Variants in COP1 observed in about 807,000 individuals in gnomAD.
The protein encoded by COP1 is COP1 E3 ubiquitin ligase.
Under a neutral mutation model 101.3 loss-of-function variants are expected in COP1, and 24 were observed. The ratio of observed to expected loss-of-function variants is 0.24; its 90% confidence interval spans 0.17 to 0.33. COP1 has a LOEUF of 0.33. Ranked by LOEUF, COP1 falls within the 10% of genes least tolerant of loss-of-function variation. The pLI is 1.00. For missense variants in COP1, 663 were observed against 906.2 expected (o/e 0.73, Z 3.45); for synonymous variants, 347 against 341.9 (o/e 1.01, Z -0.17).
Position 175,945,048 on chromosome 1 carries a change from T to C in COP1, c.*105A>G, listed in dbSNP as rs55771483. On this transcript the variant is annotated 3_prime_UTR_variant, in exon 20 of 20. Transcript: ENST00000367669. ...TTCAAAACAAATCCAAAACCCATGATGACTTTGGGGAGAGACATCACATGA... is the reference window on the plus strand; with the variant it reads ...TTCAAAACAAATCCAAAACCCATGACGACTTTGGGGAGAGACATCACATGA... The C allele has an allele frequency of 0.026, 22,593 of 883,846 alleles. 375 individuals carry two copies. Among genetic ancestry groups the C allele is most frequent in the Middle Eastern group, 0.032 (111 of 3,470 alleles). The allele number at this position is 883,846 out of a possible 1,614,324, so 54.8% of individuals were successfully genotyped here.
rs142428186 is a variant in COP1, at chr1:176,010,166, G to GTC, written c.1729+17404_1729+17405dup. Among the ~76,000 whole-genome samples, 11 of 150,138 alleles carry GTC rather than the reference G, an allele frequency of 7.3e-5. No homozygotes were observed. The South Asian group carries it at 8.4e-4, about 11-fold the overall frequency. ...ACACCCCAAACACACACCGCCTCTT[G>GTC]TCTCTCTCTCTCTCTGCCCCCTGTA... On this transcript the variant is annotated intron_variant, in intron 15 of 19. Coordinates refer to ENST00000367669, the MANE Select transcript of COP1 (RefSeq NM_022457.7).
chr1:176,054,598 T>G (rs1443787015), intron 11 of COP1, among the ~76,000 whole-genome samples: 2 of 152,180 alleles, frequency 1.3e-5, no homozygotes, highest in Admixed American at 1.3e-4. Flanking sequence ...TGGTCTTTCT[T>G]GTCATTCCGA....
chr1:176,145,884 C>A (rs956195578), intron 6 of COP1, among the ~76,000 whole-genome samples: 5 of 152,078 alleles, frequency 3.3e-5, no homozygotes, highest in African/African-American at 1.2e-4. Flanking sequence ...AAGATGACTG[C>A]AATCCAAAAA....
chr1:175,988,458 C>A, intron 16 of COP1, 46 bp from the exon 17 acceptor site: 1 of 1,523,796 alleles, frequency 6.6e-7, no homozygotes, highest in Non-Finnish European at 8.9e-7. Context: ...AATTTCTTGG[C>A]ACGAAACTCA....
At chr1:176,127,551 T>C (rs921426940) in intron 8 of COP1, among the ~76,000 whole-genome samples, 1 of 148,156 alleles carries the variant, frequency 6.7e-6, no homozygotes, top group Non-Finnish European at 1.5e-5. Context: ...TAAGGTGGAA[T>C]AGTATTCTAC....
Position 176,134,815 on chromosome 1 carries a change from A to G in COP1, c.968+195T>C, listed in dbSNP as rs191859565. Reference sequence around the variant, plus strand: ...TGAATTCATAACATTATAGTATTCTACTCGCTAACTCTTCCTGGCATGAAA... The same window carrying G: ...TGAATTCATAACATTATAGTATTCTGCTCGCTAACTCTTCCTGGCATGAAA... On this transcript the variant is annotated intron_variant, in intron 8 of 19. Transcript: ENST00000367669. 2.2e-4 allele frequency among the ~76,000 whole-genome samples: 33 copies of G among 152,180 alleles called. No individual in the cohort carries two copies. The East Asian group carries it at 5.6e-3, about 26-fold the overall frequency.
chr1:176,133,284 G>A (rs928168314), intron 8 of COP1, among the ~76,000 whole-genome samples: 2 of 150,870 alleles, frequency 1.3e-5, no homozygotes, highest in African/African-American at 4.9e-5. Flanking sequence ...ATATACGTAT[G>A]TACACATATA....
chr1:175,953,132 G>A (rs1650163739), intron 18 of COP1, among the ~76,000 whole-genome samples: 1 of 152,066 alleles, frequency 6.6e-6, no homozygotes, highest in Non-Finnish European at 1.5e-5. Context: ...GAAGTATAAT[G>A]TTATAAGATT....
At chr1:176,060,592 G>A (rs2149293497) in intron 11 of COP1, among the ~76,000 whole-genome samples, 1 of 152,254 alleles carries the variant, frequency 6.6e-6, no homozygotes, top group East Asian at 1.9e-4. Flanking sequence ...TAATTTCTCA[G>A]TTCTGTGTTC....
Position 176,206,843 on chromosome 1 carries a change from C to T in COP1, c.136G>A (p.Ala46Thr). The change falls in exon 1 of 20, where the codon GCG becomes ACG. Residue 46 changes from alanine to threonine, a missense_variant. Ala to Thr is a moderately conservative substitution (Grantham distance 58). Around this residue, in one of 4 missense-constraint regions of COP1, gnomAD observed 204 missense variants for 203.6 expected, o/e 1.00. Transcript: ENST00000367669. Reference protein sequence around the residue: ...SPPSVAVSAAALVSGGVAQAA... With the variant: ...SPPSVAVSAATLVSGGVAQAA... ...TGGGCCACCCCGCCGGACACCAGCG[C>T]TGCCGCCGAAACCGCCACGGAAGGC... The T allele has an allele frequency of 7.0e-7, 1 of 1,428,106 alleles. No homozygotes were observed. Among genetic ancestry groups the T allele is most frequent in the Non-Finnish European group, 9.1e-7 (1 of 1,096,482 alleles). 88.5% of individuals were successfully genotyped at this position (1,428,106 alleles called of 1,614,324 possible). A position where few individuals can be genotyped will look rare whatever the true frequency, so the allele number is the denominator to read the frequency against.
intron 18 of COP1, among the ~76,000 whole-genome samples, chr1:175,983,940 A>T (rs1656494155): frequency 6.6e-6 from 1 of 152,202 alleles, no homozygotes; most frequent in Non-Finnish European, 1.5e-5. Context: ...AGCATACAAG[A>T]GGTGACCTGA....
chr1:175,982,979 A>G (rs1004799151), intron 18 of COP1, among the ~76,000 whole-genome samples: 1 of 152,180 alleles, frequency 6.6e-6, no homozygotes, highest in Non-Finnish European at 1.5e-5. Flanking sequence ...GAGTGACTGT[A>G]GTTAATAATA....
At chr1:176,086,414 G>C (rs529712570) in intron 9 of COP1, among the ~76,000 whole-genome samples, 19 of 151,932 alleles carry the variant, frequency 1.3e-4, no homozygotes, top group Non-Finnish European at 2.5e-4. Flanking sequence ...TTTTAGTAGA[G>C]ACAGGGTTTC....
intron 8 of COP1, among the ~76,000 whole-genome samples, chr1:176,123,115 T>G (rs569530405): frequency 6.6e-6 from 1 of 152,306 alleles, no homozygotes; most frequent in East Asian, 1.9e-4. Flanking sequence ...CAGTAGAAAT[T>G]TTAAATTATC....
intron 19 of COP1, among the ~76,000 whole-genome samples, chr1:175,945,878 G>A (rs1278602967): frequency 1.3e-5 from 2 of 152,164 alleles, no homozygotes; most frequent in Non-Finnish European, 2.9e-5. Context: ...ACTAATATAT[G>A]TGCTTCCATA....
chr1:176,178,084 T>C (rs1241468412), intron 2 of COP1, among the ~76,000 whole-genome samples: 1 of 152,190 alleles, frequency 6.6e-6, no homozygotes, highest in African/African-American at 2.4e-5. Context: ...ATGCTTCATG[T>C]ATGACTGAAA....
chr1:176,176,049 GA>G, intron 2 of COP1, 42 bp from the exon 3 acceptor site: 2 of 926,198 alleles, frequency 2.2e-6, no homozygotes. Context: ...TTAAATCAAT[GA>G]AAAATTAATA....
chr1:176,157,882 T>C (rs932630505), intron 5 of COP1, among the ~76,000 whole-genome samples: 1 of 151,922 alleles, frequency 6.6e-6, no homozygotes, highest in Non-Finnish European at 1.5e-5. Context: ...GAAAGATGAA[T>C]AAGATCAAAT....
At chr1:176,146,569 T>C (rs1212624149) in intron 6 of COP1, among the ~76,000 whole-genome samples, 1 of 152,190 alleles carries the variant, frequency 6.6e-6, no homozygotes. Context: ...GAGAAGCCCC[T>C]GTGACAAAAA....
Sources: allele counts gnomAD v4.1 joint callset (sites outside exome capture counted in the v4.1 genomes callset), GRCh38; gene constraint gnomAD v4.1.1; regional missense constraint gnomAD v4.1.1; transcripts MANE v1.5; gene names NCBI Gene and HGNC (gene_info 2026-07-23, HGNC 2026-07-21).